The following PDIA5 variants were observed in gnomAD, a reference collection of about 807,000 sequenced individuals.
The protein encoded by PDIA5 is protein disulfide-isomerase A5.
Under a neutral mutation model 77.6 loss-of-function variants are expected in PDIA5, and 58 were observed. That is an observed-to-expected ratio of 0.75 (90% CI 0.61 to 0.93). The LOEUF is 0.93. Among genes scored for constraint, PDIA5 ranks in the 40% least tolerant of loss-of-function variants. PDIA5 has a pLI of 0.00. For missense variants in PDIA5, 630 were observed against 647.7 expected (o/e 0.97, Z 0.30); for synonymous variants, 250 against 252.1 (o/e 0.99, Z 0.08).
At chr3:123,088,978 G>A in intron 1 of PDIA5, 190 bp from the exon 2 acceptor site, 1 of 523,962 alleles carries the variant, frequency 1.9e-6, no homozygotes, top group Non-Finnish European at 3.4e-6. Flanking sequence ...TGCCTGGAGG[G>A]GAAGGGAGAC....
At chr3:123,137,276 A>G (rs1455201157) in intron 11 of PDIA5, among the ~76,000 whole-genome samples, 4 of 152,242 alleles carry the variant, frequency 2.6e-5, no homozygotes, top group Non-Finnish European at 5.9e-5. Flanking sequence ...GAAGCTGGAC[A>G]TCTTTTCATG....
intron 11 of PDIA5, among the ~76,000 whole-genome samples, chr3:123,135,284 G>A (rs1935471484): frequency 6.6e-6 from 1 of 152,100 alleles, no homozygotes. Context: ...GGATGTTCAG[G>A]GGAGCAAGGG....
chr3:123,145,689 C>T, intron 12 of PDIA5, 97 bp downstream of exon 12: 1 of 1,002,472 alleles, frequency 1.0e-6, no homozygotes, highest in South Asian at 1.4e-5. Flanking sequence ...GCTGCAGCTC[C>T]CGTGGTCCGT....
intron 6 of PDIA5, among the ~76,000 whole-genome samples, 164 bp from the exon 7 acceptor site, chr3:123,110,780 C>G (rs1190887630): frequency 6.6e-6 from 1 of 152,142 alleles, no homozygotes; most frequent in African/African-American, 2.4e-5. Context: ...GGCTCTGCCC[C>G]CACCCGCAAA....
At chr3:123,099,466 T>G (rs1237402732) in intron 3 of PDIA5, among the ~76,000 whole-genome samples, 1 of 152,062 alleles carries the variant, frequency 6.6e-6, no homozygotes, top group African/African-American at 2.4e-5. Context: ...CACTCACCCC[T>G]CAGGGAGAGA....
chr3:123,151,995 GCCTTCCTT>G (rs1174692027), intron 14 of PDIA5, among the ~76,000 whole-genome samples: 23 of 65,702 alleles, frequency 3.5e-4, no homozygotes, highest in African/African-American at 1.6e-3. Context: ...CTGCCTTCCT[GCCTTCCTT>G]CCTTCCTTCC....
intron 15 of PDIA5, among the ~76,000 whole-genome samples, chr3:123,157,062 G>A (rs1211126901): frequency 2.6e-5 from 4 of 152,198 alleles, no homozygotes; most frequent in Non-Finnish European, 5.9e-5. Context: ...CAGTGGTGTT[G>A]TGGCCTTTTC....
intron 6 of PDIA5, among the ~76,000 whole-genome samples, chr3:123,110,464 CG>C (rs1934833882): frequency 6.6e-6 from 1 of 152,092 alleles, no homozygotes; most frequent in Admixed American, 6.5e-5. Flanking sequence ...CCACAGTGAG[CG>C]GATCCCCATC....
intron 1 of PDIA5, among the ~76,000 whole-genome samples, chr3:123,084,523 T>G (rs1298178476): frequency 6.6e-6 from 1 of 152,062 alleles, no homozygotes; most frequent in Non-Finnish European, 1.5e-5. Context: ...CTGAGCCCGG[T>G]CCGTGGGGAC....
intron 6 of PDIA5, among the ~76,000 whole-genome samples, chr3:123,110,434 G>A (rs965340228): frequency 3.3e-5 from 5 of 152,108 alleles, no homozygotes; most frequent in Admixed American, 2.6e-4. Context: ...AGATTAGTGG[G>A]TATGGGTTAA....
intron 5 of PDIA5, among the ~76,000 whole-genome samples, chr3:123,104,632 G>A (rs78475739): frequency 1.3e-5 from 2 of 152,244 alleles, no homozygotes; most frequent in African/African-American, 2.4e-5. Flanking sequence ...TAGGAAACTC[G>A]AAGTGGGGAA....
intron 11 of PDIA5, among the ~76,000 whole-genome samples, chr3:123,132,995 G>A (rs2589603): frequency 0.14 from 21,233 of 152,228 alleles, 1,893 homozygotes; most frequent in Middle Eastern, 0.22. Flanking sequence ...GCCCGTCAAT[G>A]TTCCTGTCGG....
chr3:123,087,667 C>G (rs1934177293), intron 1 of PDIA5, among the ~76,000 whole-genome samples: 1 of 152,094 alleles, frequency 6.6e-6, no homozygotes, highest in African/African-American at 2.4e-5. Flanking sequence ...TTTTCTTCTA[C>G]ATTTCATCTT....
chr3:123,067,252 C>T, intron 1 of PDIA5, 46 bp downstream of exon 1: 4 of 1,226,362 alleles, frequency 3.3e-6, no homozygotes, highest in Non-Finnish European at 4.1e-6. Flanking sequence ...CACGTGTGTC[C>T]CGCGTGCCCT....
At chr3:123,083,332 T>C (rs1934060359) in intron 1 of PDIA5, among the ~76,000 whole-genome samples, 1 of 152,174 alleles carries the variant, frequency 6.6e-6, no homozygotes, top group Non-Finnish European at 1.5e-5. Flanking sequence ...GGGGCCTCTA[T>C]TTCCCAGCAG....
intron 3 of PDIA5, among the ~76,000 whole-genome samples, chr3:123,094,577 G>C (rs900126965): frequency 6.6e-6 from 1 of 152,246 alleles, no homozygotes; most frequent in African/African-American, 2.4e-5. Context: ...ACAGAGCCCT[G>C]CGTTGACAGC....
At chr3:123,116,109 T>G in intron 7 of PDIA5, 122 bp from the exon 8 acceptor site, 1 of 809,110 alleles carries the variant, frequency 1.2e-6, no homozygotes, top group Non-Finnish European at 2.1e-6. Flanking sequence ...GGAATAGTCC[T>G]GAGCTTCTCA....
intron 3 of PDIA5, among the ~76,000 whole-genome samples, chr3:123,099,316 T>G (rs1316028623): frequency 6.6e-6 from 1 of 152,240 alleles, no homozygotes; most frequent in Non-Finnish European, 1.5e-5. Flanking sequence ...GCCTACTGTG[T>G]GCCAGCTGCT....
chr3:123,110,841 AT>A (rs1934843002), intron 6 of PDIA5, 102 bp from the exon 7 acceptor site: 1 of 964,358 alleles, frequency 1.0e-6, no homozygotes, highest in African/African-American at 1.6e-5. Flanking sequence ...TCCCCTCCCC[AT>A]CCCTACCCTT....
Sources: gnomAD v4.1 joint callset for allele counts (sites outside exome capture counted in the v4.1 genomes callset) on GRCh38, gnomAD v4.1.1 for gene constraint, MANE v1.5 for transcripts, NCBI Gene and HGNC (gene_info 2026-07-23, HGNC 2026-07-21) for gene names.